Variants in CUL4B observed in about 807,000 individuals in gnomAD.
CUL4B encodes the protein cullin 4B, also known as cullin-4B.
A neutral mutation model predicts 69.2 loss-of-function variants in CUL4B; 1 was observed. The ratio of observed to expected loss-of-function variants is 0.01; its 90% CI spans 0.01 to 0.07. CUL4B has a LOEUF of 0.07. CUL4B is among the 10% of genes least tolerant of loss of function. CUL4B has a pLI of 1.00. For missense variants in CUL4B, 328 were observed against 638.8 expected, an observed-to-expected ratio of 0.51 and a Z score of 5.24; for synonymous variants, 237 against 223.2, an observed-to-expected ratio of 1.06 and a Z score of -0.55.
chrX:120,565,722 C>CTTTT (rs757952500), upstream of CUL4B, among the ~76,000 whole-genome samples: 1 of 59,447 alleles, frequency 1.7e-5, no homozygotes, highest in East Asian at 5.9e-4. Flanking sequence ...AGTCCATTTA[C>CTTTT]TTTTTTTTTT....
chrX:120,538,268 A>G (rs1022719103), intron 13 of CUL4B, 59 bp from the exon 14 acceptor site: 1 of 762,765 alleles, frequency 1.3e-6, no homozygotes, highest in African/African-American at 2.1e-5. Context: ...AAAGAGGTTT[A>G]AAAGTGGGAA....
chrX:120,569,994 C>T (rs1925668380), downstream of CUL4B, among the ~76,000 whole-genome samples: 1 of 111,763 alleles, frequency 8.9e-6, no homozygotes, highest in Admixed American at 9.5e-5. Flanking sequence ...TAGAGTGTAA[C>T]TTCAGTCCTA....
chrX:120,561,468 T>C (rs548846676), upstream of CUL4B: 28 of 348,126 alleles, frequency 8.0e-5, no homozygotes, highest in Non-Finnish European at 1.2e-4. Flanking sequence ...GAGGGAGAAA[T>C]TGGGGGGAAG....
rs892760117 is a variant in CUL4B at position 120,560,855 on chromosome X, A to T, written c.-217T>A. ...GCTGACACCAGGAGTGAGCAGAACG[A>T]GGGGGGAGAGCGAATGAGGAGGCAG... On this transcript the variant is annotated 5_prime_UTR_variant, in exon 1 of 20. Coordinates refer to ENST00000371322, the MANE Select transcript of CUL4B (RefSeq NM_001079872.2). 1.3e-6 allele frequency: 1 copy of T among 751,098 alleles called. No homozygotes were observed. Among genetic ancestry groups the T allele is most frequent in the Non-Finnish European group, 1.6e-6 (1 of 638,260 alleles). The allele number at this position is 751,098 out of a possible 1,213,427, so 61.9% of individuals were successfully genotyped here. A position where few individuals can be genotyped will look rare whatever the true frequency, so the allele number is the denominator to read the frequency against.
At chrX:120,552,827 T>C (rs1924764034) in intron 2 of CUL4B, among the ~76,000 whole-genome samples, 1 of 112,523 alleles carries the variant, frequency 8.9e-6, no homozygotes, top group Admixed American at 9.4e-5. Context: ...TTTCGAGCTA[T>C]GTTTACAGAT....
intron 7 of CUL4B, 38 bp from the exon 8 acceptor site, chrX:120,543,847 C>G (rs753834632): frequency 9.9e-7 from 1 of 1,006,315 alleles, no homozygotes; most frequent in East Asian, 3.0e-5. Context: ...TTTTCCTCCC[C>G]ATAAATCATT....
At chrX:120,536,048 T>G in intron 15 of CUL4B, 105 bp from the exon 16 acceptor site, 1 of 560,068 alleles carries the variant, frequency 1.8e-6, no homozygotes, top group Non-Finnish European at 3.1e-6. Context: ...ATTTTAAGAC[T>G]ATATCCAGTA....
chrX:120,563,480 G>A (rs184281977), upstream of CUL4B, among the ~76,000 whole-genome samples: 5 of 111,530 alleles, frequency 4.5e-5, no homozygotes, highest in East Asian at 2.8e-4. Flanking sequence ...CAAGTGATCC[G>A]CCTGCCTCAG....
At chrX:120,545,926 A>T (rs1305320224) in intron 4 of CUL4B, among the ~76,000 whole-genome samples, 1 of 110,364 alleles carries the variant, frequency 9.1e-6, no homozygotes, top group Admixed American at 9.8e-5. Flanking sequence ...ATAAGGTATA[A>T]ACCAGATTAA....
Position 120,525,561 on chromosome X carries a change from G to A in CUL4B, c.*1200C>T, listed in dbSNP as rs1037203350. The A allele has an allele frequency of 9.0e-6, 1 of 111,620 alleles. No homozygotes were observed. Among genetic ancestry groups the A allele is most frequent in the Non-Finnish European group, 1.9e-5 (1 of 53,090 alleles). The allele number at this position is 111,620 out of a possible 1,213,427, so 9.2% of individuals were successfully genotyped here. On this transcript the variant is annotated 3_prime_UTR_variant, in exon 20 of 20. Transcript: ENST00000371322. Reference sequence around the variant, plus strand: ...TTCTCCTGAAAACTAGGTGTCCAGTGGCTAAGAGAACTCGATTTCAAGCAA... The same window carrying A: ...TTCTCCTGAAAACTAGGTGTCCAGTAGCTAAGAGAACTCGATTTCAAGCAA...
intron 19 of CUL4B, 152 bp downstream of exon 19, chrX:120,529,950 T>TC: frequency 1.7e-6 from 1 of 574,866 alleles, no homozygotes; most frequent in Admixed American, 3.6e-5. Context: ...AAGTTTTTTT[T>TC]TTTGGAAATC....
chrX:120,552,033 TTATG>T (rs747933190), intron 2 of CUL4B, among the ~76,000 whole-genome samples: 9 of 112,338 alleles, frequency 8.0e-5, no homozygotes, highest in African/African-American at 2.6e-4. Context: ...CTTTTAAATA[TTATG>T]TATTTATTAT....
At chrX:120,562,137 A>G (rs1383407613), upstream of CUL4B, among the ~76,000 whole-genome samples, 1 of 111,551 alleles carries the variant, frequency 9.0e-6, no homozygotes, top group Non-Finnish European at 1.9e-5. Flanking sequence ...TCCTTAACTC[A>G]GTAATTTATA....
At chrX:120,545,852 T>C (rs946489340) in intron 4 of CUL4B, among the ~76,000 whole-genome samples, 2 of 102,869 alleles carry the variant, frequency 1.9e-5, no homozygotes, top group African/African-American at 7.1e-5. Flanking sequence ...CATGTGAGGG[T>C]TTTTATTGGC....
At chrX:120,574,682 G>T in intron 1 of CUL4B, 1 of 898,825 alleles carries the variant, frequency 1.1e-6, no homozygotes, top group South Asian at 2.0e-5. Flanking sequence ...TCCCATATCT[G>T]TATAGTGTTA....
chrX:120,544,822 C>A (rs1924218004), intron 5 of CUL4B, among the ~76,000 whole-genome samples, 179 bp from the exon 6 acceptor site: 2 of 112,325 alleles, frequency 1.8e-5, no homozygotes, highest in Non-Finnish European at 3.8e-5. Flanking sequence ...TTAAAGAACA[C>A]AGGAAACTCA....
intron 3 of CUL4B, 115 bp from the exon 4 acceptor site, chrX:120,546,731 G>T: frequency 2.0e-6 from 1 of 505,465 alleles, no homozygotes; most frequent in South Asian, 3.3e-5. Flanking sequence ...GAAACTAAAT[G>T]GCACTTGATT....
chrX:120,565,432 C>G (rs1356174034), upstream of CUL4B, among the ~76,000 whole-genome samples: 2 of 108,504 alleles, frequency 1.8e-5, no homozygotes, highest in East Asian at 5.9e-4. Context: ...ACCTGTAATC[C>G]CAGCACTTTG....
Position 120,560,497 on chromosome X carries a change from T to C in CUL4B, c.142A>G (p.Ser48Gly), listed in dbSNP as rs1411137243. 2 of 1,210,600 alleles carry C rather than the reference T, an allele frequency of 1.7e-6. No individual in the cohort carries two copies. The highest frequency in any genetic ancestry group is 2.2e-6 in the Non-Finnish European group (2 of 894,699). The change falls in exon 1 of 20, where the codon AGC (serine) becomes GGC (glycine). Residue 48 changes from serine to glycine, a missense_variant. Around this residue, in one of 4 missense-constraint regions of CUL4B, gnomAD observed 102 missense variants for 122.1 expected, o/e 0.84. Coordinates refer to ENST00000371322, the MANE Select transcript of CUL4B (RefSeq NM_001079872.2). ...KRKLNSSSSS[S>G]SNSSNEREDF... ...TCTCTCTCGTTACTACTGTTACTGC[T>C]GCTACTGCTGCTGCTGTTTAACTTT...
Sources: gnomAD v4.1 joint callset for allele counts (sites outside exome capture counted in the v4.1 genomes callset) on GRCh38, gnomAD v4.1.1 for gene constraint, gnomAD v4.1.1 regional missense constraint, MANE v1.5 for transcripts, NCBI Gene and HGNC (gene_info 2026-07-23, HGNC 2026-07-21) for gene names.